Variants in PKHD1 observed in about 807,000 individuals in gnomAD.
The protein encoded by PKHD1 is PKHD1 ciliary IPT domain containing fibrocystin/polyductin, also known as fibrocystin.
A neutral mutation model predicts 412.0 loss-of-function variants in PKHD1; 291 were observed. That is an observed-to-expected ratio of 0.71 (90% confidence interval 0.64 to 0.78). The LOEUF is 0.78. Ranked by LOEUF, PKHD1 falls within the 30% of genes least tolerant of loss-of-function variation. The pLI, the probability that PKHD1 is intolerant of heterozygous loss-of-function variation, is 0.00. For missense variants in PKHD1, 4,825 were observed against 4,950.7 expected, an observed-to-expected ratio of 0.97 and a Z score of 0.76; for synonymous variants, 1,777 against 1,821.5, an observed-to-expected ratio of 0.98 and a Z score of 0.62.
intron 53 of PKHD1, among the ~76,000 whole-genome samples, chr6:51,777,007 T>C (rs578093894): frequency 1.3e-5 from 2 of 152,194 alleles, no homozygotes; most frequent in African/African-American, 2.4e-5. Flanking sequence ...GTTATTAAAG[T>C]CAGTTGTTTG....
At chr6:51,726,194 A>G (rs1338541565) in intron 60 of PKHD1, among the ~76,000 whole-genome samples, 1 of 152,158 alleles carries the variant, frequency 6.6e-6, no homozygotes, top group African/African-American at 2.4e-5. Flanking sequence ...GTCACCAAAC[A>G]TTATCAGGCA....
intron 52 of PKHD1, among the ~76,000 whole-genome samples, chr6:51,819,046 C>T (rs1314827394): frequency 2.6e-5 from 4 of 152,100 alleles, no homozygotes; most frequent in African/African-American, 9.7e-5. Context: ...TACCTGGATA[C>T]CCAAACCCCT....
chr6:51,703,346 G>C (rs145867568), intron 60 of PKHD1, among the ~76,000 whole-genome samples: 1 of 152,044 alleles, frequency 6.6e-6, no homozygotes, highest in African/African-American at 2.4e-5. Context: ...AAGGGACTGT[G>C]AGGATACAGT....
chr6:51,944,571 T>C (rs1449330473), intron 36 of PKHD1, among the ~76,000 whole-genome samples: 1 of 152,112 alleles, frequency 6.6e-6, no homozygotes, highest in East Asian at 1.9e-4. Flanking sequence ...AAGGACTGTT[T>C]TCCATACCCC....
chr6:51,868,927 C>G (rs1445938215), intron 47 of PKHD1, among the ~76,000 whole-genome samples: 1 of 151,972 alleles, frequency 6.6e-6, no homozygotes. Context: ...TTCACACACC[C>G]ATGTCATTAA....
intron 60 of PKHD1, among the ~76,000 whole-genome samples, chr6:51,687,436 C>T (rs1777584580): frequency 6.6e-6 from 1 of 152,110 alleles, no homozygotes; most frequent in South Asian, 2.1e-4. Flanking sequence ...AAGATAATTC[C>T]TGTATTTCTA....
chr6:51,745,226 G>C (rs1001610440), intron 59 of PKHD1, among the ~76,000 whole-genome samples: 4 of 152,126 alleles, frequency 2.6e-5, no homozygotes, highest in Non-Finnish European at 4.4e-5. Flanking sequence ...ATAGTACTAT[G>C]ATTTGAATGA....
intron 60 of PKHD1, among the ~76,000 whole-genome samples, chr6:51,717,865 G>A (rs939794167): frequency 6.6e-6 from 1 of 152,148 alleles, no homozygotes; most frequent in Non-Finnish European, 1.5e-5. Flanking sequence ...CAAAAAGATG[G>A]ATCTCTTAAA....
chr6:51,934,542 G>A (rs1363374116), intron 36 of PKHD1, among the ~76,000 whole-genome samples: 1 of 152,066 alleles, frequency 6.6e-6, no homozygotes, highest in Non-Finnish European at 1.5e-5. Context: ...ACTATTCTCT[G>A]CTGCTTTATT....
intron 2 of PKHD1, among the ~76,000 whole-genome samples, chr6:52,083,591 A>C (rs1193614547): frequency 6.6e-6 from 1 of 150,976 alleles, no homozygotes; most frequent in Non-Finnish European, 1.5e-5. Flanking sequence ...AAAGAGCCTC[A>C]AGGACATATT....
rs1803830184 is a variant in PKHD1 at position 52,035,683 on chromosome 6, C to A, written c.3136G>T (p.Gly1046Cys). Residue 1046 changes from glycine (G) to cysteine (C), a missense_variant, in exon 28 of 67, where the codon GGT (glycine) becomes TGT (cysteine). Gly to Cys is a radical substitution (Grantham distance 159, BLOSUM62 -3). Coordinates refer to ENST00000371117, the MANE Select transcript of PKHD1 (RefSeq NM_138694.4). ...WATIRGSSLE[G>C]VSLILFGSYS... Reference sequence around the variant, plus strand: ...GATCCAAATAATATCAGGCTAACACCTTCCAAACTAGAGCCTCGGATGGTG... The same window carrying A: ...GATCCAAATAATATCAGGCTAACACATTCCAAACTAGAGCCTCGGATGGTG... The A allele has an allele frequency of 6.2e-7, 1 of 1,613,930 alleles. No individual in the cohort carries two copies. The highest frequency in any genetic ancestry group is 1.3e-5 in the African/African-American group (1 of 75,008).
intron 61 of PKHD1, among the ~76,000 whole-genome samples, chr6:51,652,383 A>C (rs375188100): frequency 6.6e-6 from 1 of 152,148 alleles, no homozygotes; most frequent in Non-Finnish European, 1.5e-5. Context: ...AGTAAGTTTT[A>C]TTAGTGAAAA....
intron 35 of PKHD1, among the ~76,000 whole-genome samples, chr6:51,992,958 C>T (rs1342562303): frequency 1.3e-5 from 2 of 152,238 alleles, no homozygotes; most frequent in Non-Finnish European, 2.9e-5. Flanking sequence ...TCAACCATCA[C>T]GGAGTGGCAC....
intron 61 of PKHD1, among the ~76,000 whole-genome samples, chr6:51,656,124 A>T (rs1009999117): frequency 3.3e-5 from 5 of 152,196 alleles, no homozygotes; most frequent in Non-Finnish European, 7.3e-5. Context: ...TGGATAAAGA[A>T]ATGTGGCACA....
rs547109145 is a variant in PKHD1, at chr6:52,055,889, T to C, written c.1694-160A>G. 7.2e-5 allele frequency among the ~76,000 whole-genome samples: 11 copies of C among 152,364 alleles called. No homozygotes were observed. In the South Asian group the frequency reaches 2.1e-3, roughly 29 times the overall value. On this transcript the variant is annotated intron_variant, in intron 18 of 66. Transcript: ENST00000371117. ...CCTTGAGTAAGTAACTCAACCTCTC[T>C]GAGCCTCAGTTCCTCAACTCTAACT...
At chr6:51,926,403 T>C (rs1311688820) in intron 37 of PKHD1, among the ~76,000 whole-genome samples, 1 of 152,176 alleles carries the variant, frequency 6.6e-6, no homozygotes, top group Non-Finnish European at 1.5e-5. Flanking sequence ...AGGCAATAAG[T>C]GCTCTTATTT....
Position 52,043,143 on chromosome 6 carries a change from A to C in PKHD1, c.2822-9T>G. The C allele has an allele frequency of 6.2e-7, 1 of 1,604,590 alleles. No homozygotes were observed. Among genetic ancestry groups the C allele is most frequent in the Non-Finnish European group, 8.5e-7 (1 of 1,172,338 alleles). Reference sequence around the variant, plus strand: ...TAGGTTGATGTCACCATCTTAAAGGAGAAAAGAAATTAAAAAACAAATAAA... The same window carrying C: ...TAGGTTGATGTCACCATCTTAAAGGCGAAAAGAAATTAAAAAACAAATAAA... On this transcript the variant is annotated splice_polypyrimidine_tract_variant and intron_variant, in intron 26 of 66. Transcript: ENST00000371117.
At chr6:51,819,905 T>C (rs1354183423) in intron 52 of PKHD1, among the ~76,000 whole-genome samples, 1 of 152,204 alleles carries the variant, frequency 6.6e-6, no homozygotes, top group Non-Finnish European at 1.5e-5. Flanking sequence ...CGTTAGAATG[T>C]CCCTTCTAAG....
At chr6:51,751,335 T>C (rs1261887863) in intron 57 of PKHD1, among the ~76,000 whole-genome samples, 3 of 152,184 alleles carry the variant, frequency 2.0e-5, no homozygotes, top group African/African-American at 7.2e-5. Context: ...GACTATGTTA[T>C]AGAAAAATGT....
Sources: gnomAD v4.1 joint callset for allele counts (sites outside exome capture counted in the v4.1 genomes callset) on GRCh38, gnomAD v4.1.1 for gene constraint, MANE v1.5 for transcripts, NCBI Gene and HGNC (gene_info 2026-07-23, HGNC 2026-07-21) for gene names.